The following CACNA1I variants were observed in gnomAD, a reference collection of about 807,000 sequenced individuals.
CACNA1I encodes voltage-dependent T-type calcium channel subunit alpha-1I.
A neutral mutation model predicts 201.6 loss-of-function variants in CACNA1I; 74 were observed. The observed-to-expected ratio is 0.37, with a 90% confidence interval of 0.30 to 0.45. The LOEUF is 0.45. Among genes scored for constraint, CACNA1I ranks in the 20% least tolerant of loss-of-function variants. CACNA1I has a pLI of 1.00. For synonymous variants in CACNA1I, 1,431 were observed against 1,345.2 expected, an observed-to-expected ratio of 1.06 and a Z score of -1.40; for missense variants, 2,346 against 3,138.1, an observed-to-expected ratio of 0.75 and a Z score of 6.03.
chr22:39,648,223 C>T lies in CACNA1I; in HGVS notation c.1567+297C>T, dbSNP rs1167238433. ...TGCACGCTCAGAGCTGCCGCCCACC[C>T]GTCCTCGGGTGCCAGCCATCCAGGC... On this transcript the variant is annotated intron_variant, in intron 9 of 36. Transcript: ENST00000402142. This position sits in a 1 kb window ranked among gnomAD's most constrained non-coding sequence, Gnocchi z 5.4. Among the ~76,000 whole-genome samples, 21 of 152,084 alleles carry T rather than the reference C, an allele frequency of 1.4e-4. No individual in the cohort carries two copies. Among genetic ancestry groups the T allele is most frequent in the Admixed American group, 1.2e-3 (18 of 15,284 alleles).
At chr22:39,606,165 A>T (rs78926771) in intron 3 of CACNA1I, among the ~76,000 whole-genome samples, 1 of 152,154 alleles carries the variant, frequency 6.6e-6, no homozygotes, top group Non-Finnish European at 1.5e-5. Flanking sequence ...CACCCTCCCA[A>T]TGATGGCTTA....
intron 3 of CACNA1I, among the ~76,000 whole-genome samples, chr22:39,615,612 C>T (rs979899593): frequency 6.6e-6 from 1 of 152,176 alleles, no homozygotes; most frequent in African/African-American, 2.4e-5. Context: ...AAGTGCTCTT[C>T]CCTCTTCCCT....
At chr22:39,607,157 G>A (rs1374274384) in intron 3 of CACNA1I, among the ~76,000 whole-genome samples, 1 of 152,196 alleles carries the variant, frequency 6.6e-6, no homozygotes, top group Non-Finnish European at 1.5e-5. Flanking sequence ...GCTGATGTGG[G>A]CCCTGTCTTG....
At chr22:39,602,689 A>G (rs1156693301) in intron 3 of CACNA1I, among the ~76,000 whole-genome samples, 3 of 152,274 alleles carry the variant, frequency 2.0e-5, no homozygotes, top group Admixed American at 6.5e-5. Flanking sequence ...ACATCCTGCC[A>G]TTCAAACCTA....
intron 17 of CACNA1I, 79 bp from the exon 18 acceptor site, chr22:39,662,697 T>C: frequency 8.4e-6 from 9 of 1,075,786 alleles, no homozygotes; most frequent in South Asian, 1.4e-5. Context: ...GCGACCCCAG[T>C]TGGCGCGATG....
Position 39,661,258 on chromosome 22 carries a change from G to A in CACNA1I, c.2849G>A (p.Arg950Gln), listed in dbSNP as rs370082731. The A allele has an allele frequency of 2.2e-5, 35 of 1,609,430 alleles. No individual in the cohort carries two copies. The highest frequency in any genetic ancestry group is 3.3e-4 in the Middle Eastern group (2 of 6,058). The change falls in exon 16 of 37, where the codon CGA becomes CAA. Residue 950 changes from arginine (R) to glutamine (Q), a missense_variant. Physicochemically the swap from Arg to Gln is conservative, Grantham distance 43. Around this residue, in one of 13 missense-constraint regions of CACNA1I, gnomAD observed 92 missense variants for 114.5 expected, o/e 0.80. Coordinates refer to ENST00000402142, the MANE Select transcript of CACNA1I (RefSeq NM_021096.4). ...CCCATGCTGGTGGCCCTGGGCTCCCGAAAGAGCAGTGTCATGTCTCTAGGG... is the reference window on the plus strand; with the variant it reads ...CCCATGCTGGTGGCCCTGGGCTCCCAAAAGAGCAGTGTCATGTCTCTAGGG... Reference protein sequence around the residue: ...PDPMLVALGSRKSSVMSLGRM... With the variant: ...PDPMLVALGSQKSSVMSLGRM...
At chr22:39,661,362 G>A in intron 16 of CACNA1I, 52 bp downstream of exon 16, 1 of 1,378,272 alleles carries the variant, frequency 7.3e-7, no homozygotes, top group Non-Finnish European at 9.7e-7. Context: ...GGGTGTGTGT[G>A]GAGGGGCCCT....
intron 26 of CACNA1I, among the ~76,000 whole-genome samples, chr22:39,671,261 C>T (rs571724916): frequency 8.5e-5 from 13 of 152,296 alleles, no homozygotes; most frequent in East Asian, 1.9e-4. Flanking sequence ...TTGCAAGGCA[C>T]GCTACATATA....
Position 39,619,373 on chromosome 22 carries a change from C to A in CACNA1I, c.546C>A (p.Val182=). The part of the protein sequence containing the change: ...INLSAIRTVR[V]LRPLKAINRV... ...TGTCAGCCATCCGCACCGTGCGCGTCCTGAGGCCCCTCAAAGCCATCAACC... is the reference window on the plus strand; with the variant it reads ...TGTCAGCCATCCGCACCGTGCGCGTACTGAGGCCCCTCAAAGCCATCAACC... Residue 182 remains valine, a synonymous_variant, in exon 4 of 37, where the codon GTC becomes GTA. Transcript: ENST00000402142. 1 of 1,609,534 alleles carries A rather than the reference C, an allele frequency of 6.2e-7. No individual in the cohort carries two copies. Among genetic ancestry groups the A allele is most frequent in the South Asian group, 1.1e-5 (1 of 91,082 alleles).
rs202113710 is a variant in CACNA1I at position 39,646,527 on chromosome 22, ATCCCTG to A, written c.1150-26_1150-21del. The A allele has an allele frequency of 2.2e-3, 3,321 of 1,501,422 alleles. 68 individuals are homozygous for A. The African/African-American group carries it at 0.039, about 17-fold the overall frequency. The allele number at this position is 1,501,422 out of a possible 1,614,324, so 93.0% of individuals were successfully genotyped here. On this transcript the variant is annotated intron_variant, in intron 7 of 36. Transcript: ENST00000402142. ...CCTCTCTCACCCTTCTGTCCCCTCC[ATCCCTG>A]TCCCTGTCCCTGTCCTCTCCTCCCG...
intron 28 of CACNA1I, 78 bp downstream of exon 28, chr22:39,673,160 A>T: frequency 2.8e-5 from 13 of 469,420 alleles, no homozygotes; most frequent in South Asian, 2.1e-4. Context: ...ATGAGAACAC[A>T]CAGGAGTGGG....
intron 2 of CACNA1I, among the ~76,000 whole-genome samples, chr22:39,598,799 AC>A (rs1932953782): frequency 6.6e-6 from 1 of 151,992 alleles, no homozygotes. Context: ...GACCTTTGGT[AC>A]CTGACATAAC....
At position 39,684,823 on chromosome 22, in the gene CACNA1I, G is replaced by C. The variant is rs906801380; in HGVS notation, c.6027+325G>C. The C allele has an allele frequency of 2.3e-5, 13 of 557,844 alleles. No individual in the cohort carries two copies. The highest frequency in any genetic ancestry group is 1.9e-5 in the Non-Finnish European group (6 of 314,058). 34.6% of individuals were successfully genotyped at this position (557,844 alleles called of 1,614,324 possible). A position where few individuals can be genotyped will look rare whatever the true frequency, so the allele number is the denominator to read the frequency against. On this transcript the variant is annotated intron_variant, in intron 36 of 36. Coordinates refer to ENST00000402142, the MANE Select transcript of CACNA1I (RefSeq NM_021096.4). The surrounding 1 kb of genome is among the most constrained non-coding windows in gnomAD (Gnocchi z 4.6). The stretch of plus-strand genomic sequence containing the variant: ...AGTACTGGAGGTTTTGCAGGGTGGC[G>C]GGGTGCTGGCAGTGGGGAGGACACC...
rs568095614 is a variant in CACNA1I, at chr22:39,671,085, C to A, written c.4539+131C>A. 10 of 814,472 alleles carry A rather than the reference C, an allele frequency of 1.2e-5. No individual in the cohort carries two copies. In the East Asian group the frequency reaches 2.4e-4, roughly 19 times the overall value. The allele number at this position is 814,472 out of a possible 1,614,324, so 50.5% of individuals were successfully genotyped here. On this transcript the variant is annotated intron_variant, in intron 26 of 36. Transcript: ENST00000402142. ...ATGTGAGCAGCCCCTCCATGCTGGGCTCTATGCTGGGCACTGCAGTGGGAG... is the reference window on the plus strand; with the variant it reads ...ATGTGAGCAGCCCCTCCATGCTGGGATCTATGCTGGGCACTGCAGTGGGAG...
intron 34 of CACNA1I, among the ~76,000 whole-genome samples, chr22:39,681,659 T>G (rs562087021): frequency 1.3e-5 from 2 of 150,502 alleles, no homozygotes; most frequent in African/African-American, 2.5e-5. Flanking sequence ...GATCCTGCAG[T>G]CTTAGGGGGT....
chr22:39,575,761 CCTTT>C (rs1371865948), intron 1 of CACNA1I, among the ~76,000 whole-genome samples: 1 of 148,132 alleles, frequency 6.8e-6, no homozygotes, highest in Non-Finnish European at 1.5e-5. Flanking sequence ...ACTTTCAGAG[CCTTT>C]CTTTCTTTTC....
At chr22:39,627,244 C>G (rs140288037) in intron 4 of CACNA1I, among the ~76,000 whole-genome samples, 100 of 152,370 alleles carry the variant, frequency 6.6e-4, no homozygotes, top group African/African-American at 2.3e-3. Context: ...TCCATCTCCC[C>G]CCTCAGCCTG....
In CACNA1I at chr22:39,659,528, G is replaced by T; in HGVS notation, c.2426G>T (p.Trp809Leu). Reference sequence around the variant, plus strand: ...AGGAAGAACTTCGACTCCCTGCTGTGGGCCATCGTCACTGTGTTCCAGGTG... The same window carrying T: ...AGGAAGAACTTCGACTCCCTGCTGTTGGCCATCGTCACTGTGTTCCAGGTG... Reference protein sequence around the residue: ...PDRKNFDSLLWAIVTVFQILT... With the variant: ...PDRKNFDSLLLAIVTVFQILT... The change falls in exon 13 of 37, where the codon TGG becomes TTG. Residue 809 changes from tryptophan (W) to leucine (L), a missense_variant. Transcript: ENST00000402142. The surrounding 1 kb of genome is among the most constrained non-coding windows in gnomAD (Gnocchi z 4.3). The T allele has an allele frequency of 6.2e-7, 1 of 1,603,910 alleles. No homozygotes were observed. Among genetic ancestry groups the T allele is most frequent in the Non-Finnish European group, 8.5e-7 (1 of 1,174,612 alleles).
At chr22:39,656,533 G>A (rs1253895756) in intron 10 of CACNA1I, 3 of 511,136 alleles carry the variant, frequency 5.9e-6, no homozygotes, top group Non-Finnish European at 1.2e-5. Flanking sequence ...TGGCCCCAGA[G>A]CACGAGCTTC....
Sources: allele counts gnomAD v4.1 joint callset (sites outside exome capture counted in the v4.1 genomes callset), GRCh38; gene constraint gnomAD v4.1.1; regional missense constraint gnomAD v4.1.1; non-coding constraint Gnocchi (gnomAD v3.1); transcripts MANE v1.5; gene names NCBI Gene and HGNC (gene_info 2026-07-23, HGNC 2026-07-21).